MAP2: variants seen among roughly 807,000 people sequenced by gnomAD.
MAP2 encodes the protein microtubule associated protein 2, also known as microtubule-associated protein 2.
Under a neutral mutation model 137.6 loss-of-function variants are expected in MAP2, and 14 were observed. The observed-to-expected ratio is 0.10, with a 90% CI of 0.07 to 0.16. The LOEUF (loss-of-function observed/expected upper bound fraction) is 0.16. Among genes scored for constraint, MAP2 ranks in the 10% least tolerant of loss-of-function variants. The pLI is 1.00. For missense variants in MAP2, 2,088 were observed against 2,191.5 expected (o/e 0.95, Z 0.94); for synonymous variants, 786 against 782.3 (o/e 1.00, Z -0.08).
chr2:209,475,644 G>A (rs1254298559), intron 1 of MAP2, among the ~76,000 whole-genome samples: 1 of 151,954 alleles, frequency 6.6e-6, no homozygotes, highest in African/African-American at 2.4e-5. Context: ...TGTTTGAAGA[G>A]CAGGCAATAA....
chr2:209,496,395 T>C (rs2059761544), intron 1 of MAP2, among the ~76,000 whole-genome samples: 1 of 152,202 alleles, frequency 6.6e-6, no homozygotes, highest in Non-Finnish European at 1.5e-5. Flanking sequence ...AAATATACAA[T>C]AATATGAGCT....
chr2:209,472,430 C>T (rs1156444433), intron 1 of MAP2, among the ~76,000 whole-genome samples: 4 of 152,232 alleles, frequency 2.6e-5, no homozygotes, highest in African/African-American at 9.6e-5. Context: ...TTCATTTCCA[C>T]CAGAGTTCTG....
At chr2:209,656,449 G>C (rs1247678441) in intron 5 of MAP2, among the ~76,000 whole-genome samples, 3 of 152,020 alleles carry the variant, frequency 2.0e-5, no homozygotes, top group Non-Finnish European at 4.4e-5. Context: ...GGTCAAGACT[G>C]CAGTGAGCTG....
intron 15 of MAP2, 69 bp from the exon 16 acceptor site, chr2:209,730,113 A>C (rs2075554298): frequency 7.6e-7 from 1 of 1,311,694 alleles, no homozygotes; most frequent in African/African-American, 1.4e-5. Flanking sequence ...CAGCCCTGGG[A>C]GATGGAGAAA....
chr2:209,663,291 G>A (rs1230186790), intron 5 of MAP2, among the ~76,000 whole-genome samples: 3 of 152,132 alleles, frequency 2.0e-5, no homozygotes, highest in Non-Finnish European at 2.9e-5. Flanking sequence ...CATATCAGGA[G>A]AGGATGAACA....
intron 4 of MAP2, among the ~76,000 whole-genome samples, chr2:209,641,143 C>A (rs2093994273): frequency 6.6e-6 from 1 of 152,026 alleles, no homozygotes. Flanking sequence ...ACCCAAGGAT[C>A]TTCACTCTGT....
intron 4 of MAP2, among the ~76,000 whole-genome samples, chr2:209,644,193 A>G (rs1360000996): frequency 6.6e-6 from 1 of 152,206 alleles, no homozygotes; most frequent in African/African-American, 2.4e-5. Flanking sequence ...CTTCAGTTTT[A>G]TGATTTTAAA....
intron 4 of MAP2, among the ~76,000 whole-genome samples, chr2:209,626,755 C>T (rs1332217217): frequency 1.3e-5 from 2 of 152,234 alleles, no homozygotes; most frequent in South Asian, 2.1e-4. Flanking sequence ...TCTTTCATAT[C>T]GAGGCATGAA....
chr2:209,521,107 T>G (rs1393694513), intron 2 of MAP2, among the ~76,000 whole-genome samples: 2 of 152,192 alleles, frequency 1.3e-5, no homozygotes, highest in Non-Finnish European at 2.9e-5. Context: ...TAAGCTTATT[T>G]CCAGTATGTG....
chr2:209,680,930 A>G, intron 7 of MAP2, 103 bp downstream of exon 7: 1 of 688,546 alleles, frequency 1.5e-6, no homozygotes, highest in Non-Finnish European at 2.4e-6. Flanking sequence ...TATGTGACCA[A>G]GCTTTGGAGC....
chr2:209,550,223 C>G (rs969970805), intron 2 of MAP2, among the ~76,000 whole-genome samples: 8 of 152,134 alleles, frequency 5.3e-5, no homozygotes, highest in African/African-American at 1.9e-4. Context: ...ATCCTGGCCT[C>G]TCCTCTGGGA....
chr2:209,724,603 G>A (rs552327655), intron 13 of MAP2, among the ~76,000 whole-genome samples: 1 of 152,242 alleles, frequency 6.6e-6, no homozygotes, highest in African/African-American at 2.4e-5. Flanking sequence ...GAGAGAGAGA[G>A]AGAGAAGCAA....
intron 2 of MAP2, among the ~76,000 whole-genome samples, chr2:209,554,060 G>C (rs1279844846): frequency 6.6e-6 from 1 of 152,180 alleles, no homozygotes; most frequent in Non-Finnish European, 1.5e-5. Context: ...GTGTGTTCAA[G>C]ATACCTGTTT....
rs958508201 is a variant in MAP2, at chr2:209,732,017, T to C, written c.*1620T>C. ...GACTTACAAATAAGGAATGAAATAGTCAATGGCCTGATTAAGGCAAAGAGC... is the reference window on the plus strand; with the variant it reads ...GACTTACAAATAAGGAATGAAATAGCCAATGGCCTGATTAAGGCAAAGAGC... On this transcript the variant is annotated 3_prime_UTR_variant, in exon 16 of 16. Transcript: ENST00000682079. The C allele has an allele frequency of 2.6e-5, 4 of 152,218 alleles. No individual in the cohort carries two copies. Among genetic ancestry groups the C allele is most frequent in the South Asian group, 2.1e-4 (1 of 4,834 alleles). 9.4% of individuals were successfully genotyped at this position (152,218 alleles called of 1,614,324 possible).
chr2:209,604,614 G>C (rs1053763772), intron 3 of MAP2, among the ~76,000 whole-genome samples: 1 of 152,112 alleles, frequency 6.6e-6, no homozygotes, highest in Non-Finnish European at 1.5e-5. Context: ...TTTTAACCGA[G>C]TAACCCTACA....
intron 8 of MAP2, 38 bp from the exon 9 acceptor site, chr2:209,696,504 C>T: frequency 6.5e-7 from 1 of 1,536,570 alleles, no homozygotes. Flanking sequence ...AATGTTTTCA[C>T]TGTTGTTGTT....
chr2:209,719,963 C>T (rs1156571368), intron 13 of MAP2, among the ~76,000 whole-genome samples: 1 of 152,118 alleles, frequency 6.6e-6, no homozygotes, highest in Admixed American at 6.5e-5. Context: ...TGCACCAAAC[C>T]TTAAAGAATA....
chr2:209,606,643 C>T (rs1350021467), intron 3 of MAP2, among the ~76,000 whole-genome samples: 2 of 152,200 alleles, frequency 1.3e-5, no homozygotes, highest in East Asian at 1.9e-4. Context: ...TATGAAAGAG[C>T]TTTAGAAAAA....
At chr2:209,556,042 CT>C (rs766218011) in intron 2 of MAP2, among the ~76,000 whole-genome samples, 5,641 of 108,308 alleles carry the variant, frequency 0.052, 107 homozygotes, top group African/African-American at 0.1. Flanking sequence ...TTTTTCTTTT[CT>C]TTTTTTTTTT....
Sources: gnomAD v4.1 joint callset for allele counts (sites outside exome capture counted in the v4.1 genomes callset) on GRCh38, gnomAD v4.1.1 for gene constraint, MANE v1.5 for transcripts, NCBI Gene and HGNC (gene_info 2026-07-23, HGNC 2026-07-21) for gene names.